Variants in UTRN observed in about 807,000 individuals in gnomAD.
UTRN encodes the protein utrophin.
A neutral mutation model predicts 463.9 loss-of-function variants in UTRN; 283 were observed. That is an observed-to-expected ratio of 0.61 (90% CI 0.55 to 0.67). The LOEUF (loss-of-function observed/expected upper bound fraction) is 0.67, where lower values mean the gene tolerates loss of function less well. Ranked by LOEUF, UTRN falls within the 30% of genes least tolerant of loss-of-function variation. The pLI is 0.00. For synonymous variants in UTRN, 1,442 were observed against 1,431.5 expected (o/e 1.01, Z -0.17); for missense variants, 3,922 against 4,084.3 (o/e 0.96, Z 1.08).
chr6:144,295,656 C>T (rs1409570070), intron 2 of UTRN, among the ~76,000 whole-genome samples: 1 of 152,198 alleles, frequency 6.6e-6, no homozygotes, highest in Non-Finnish European at 1.5e-5. Flanking sequence ...CCCAGCCATT[C>T]CTGTGATGTG....
chr6:144,374,079 A>T (rs954820299), intron 2 of UTRN, among the ~76,000 whole-genome samples: 2 of 152,090 alleles, frequency 1.3e-5, no homozygotes, highest in Non-Finnish European at 2.9e-5. Context: ...CTTTTATTTG[A>T]TTTATATAAT....
chr6:144,674,201 C>T (rs1242429656), intron 51 of UTRN, among the ~76,000 whole-genome samples: 1 of 147,842 alleles, frequency 6.8e-6, no homozygotes, highest in Non-Finnish European at 1.5e-5. Context: ...TTTAGCAAAA[C>T]CATGGAAGTT....
chr6:144,839,930 AT>A (rs1781414614), intron 72 of UTRN, among the ~76,000 whole-genome samples: 3 of 152,340 alleles, frequency 2.0e-5, no homozygotes, highest in African/African-American at 7.2e-5. Context: ...CTTTTGGTAC[AT>A]TAACCAGAAA....
chr6:144,812,800 T>G (rs1044782308), intron 65 of UTRN, among the ~76,000 whole-genome samples: 19 of 152,194 alleles, frequency 1.2e-4, no homozygotes, highest in Admixed American at 1.2e-3. Context: ...CAGGGTACAT[T>G]TTATAATTCA....
At chr6:144,755,307 C>T (rs1033719928) in intron 57 of UTRN, among the ~76,000 whole-genome samples, 2 of 152,082 alleles carry the variant, frequency 1.3e-5, no homozygotes, top group African/African-American at 4.8e-5. Context: ...GCGTATGTAG[C>T]CAAACCACCT....
At chr6:144,332,236 G>C (rs1024845433) in intron 2 of UTRN, among the ~76,000 whole-genome samples, 1 of 152,214 alleles carries the variant, frequency 6.6e-6, no homozygotes, top group African/African-American at 2.4e-5. Context: ...TTACTTTAGT[G>C]TTGATAGGTC....
At chr6:144,774,796 C>G (rs1775170927) in intron 60 of UTRN, among the ~76,000 whole-genome samples, 1 of 152,134 alleles carries the variant, frequency 6.6e-6, no homozygotes, top group Non-Finnish European at 1.5e-5. Context: ...GGCACCTTAA[C>G]AAGTGAGATA....
At chr6:144,358,327 C>CAT (rs1778752778) in intron 2 of UTRN, among the ~76,000 whole-genome samples, 1 of 152,158 alleles carries the variant, frequency 6.6e-6, no homozygotes, top group Non-Finnish European at 1.5e-5. Context: ...TATACACACA[C>CAT]ACATACATAC....
intron 62 of UTRN, among the ~76,000 whole-genome samples, chr6:144,790,524 T>C (rs775471229): frequency 3.3e-5 from 5 of 152,146 alleles, no homozygotes; most frequent in South Asian, 2.1e-4. Flanking sequence ...AGAATGTCAG[T>C]GAAAAGAAAT....
intron 2 of UTRN, among the ~76,000 whole-genome samples, chr6:144,369,298 T>G (rs1779779595): frequency 6.6e-6 from 1 of 152,226 alleles, no homozygotes. Context: ...AGTTGTATTT[T>G]AAAAGTCAAA....
intron 53 of UTRN, among the ~76,000 whole-genome samples, chr6:144,729,447 C>T (rs9497061): frequency 0.036 from 5,403 of 152,184 alleles, 317 homozygotes; most frequent in African/African-American, 0.12. Flanking sequence ...AATGAAAGTT[C>T]AGTATTTTAG....
chr6:144,497,624 T>C (rs1042240592), intron 33 of UTRN, among the ~76,000 whole-genome samples: 17 of 150,182 alleles, frequency 1.1e-4, no homozygotes, highest in African/African-American at 3.2e-4. Flanking sequence ...GAGGTTGCAG[T>C]GAGTCAAGAT....
intron 60 of UTRN, among the ~76,000 whole-genome samples, chr6:144,776,379 C>T (rs549823879): frequency 2.0e-5 from 3 of 152,186 alleles, no homozygotes; most frequent in Non-Finnish European, 4.4e-5. Flanking sequence ...GCCCCATCTC[C>T]ACTGTGAACT....
chr6:144,698,425 CT>C (rs925855443), intron 52 of UTRN, among the ~76,000 whole-genome samples: 4 of 152,222 alleles, frequency 2.6e-5, no homozygotes, highest in African/African-American at 7.2e-5. Context: ...TGTATTTAAA[CT>C]TTTTTTATTA....
Position 144,827,446 on chromosome 6 carries a change from G to T in UTRN, c.9533+60G>T, listed in dbSNP as rs1484614929. 2.5e-6 allele frequency: 4 copies of T among 1,609,286 alleles called. No individual in the cohort carries two copies. The South Asian group carries it at 3.3e-5, about 13-fold the overall frequency. On this transcript the variant is annotated intron_variant, in intron 67 of 74. Coordinates refer to ENST00000367545, the MANE Select transcript of UTRN (RefSeq NM_007124.3). The stretch of plus-strand genomic sequence containing the variant: ...TCTGATCAGTGGTACTAGCATGGGG[G>T]TCTTACTAAACTCTTGGTCTAAAAT...
At chr6:144,487,348 A>C (rs758202773) in intron 28 of UTRN, among the ~76,000 whole-genome samples, 200 bp from the exon 29 acceptor site, 3 of 152,036 alleles carry the variant, frequency 2.0e-5, no homozygotes, top group African/African-American at 4.8e-5. Context: ...CACTTGTGCT[A>C]ATTTCTCAAT....
intron 54 of UTRN, among the ~76,000 whole-genome samples, chr6:144,734,109 T>G (rs774219029): frequency 1.3e-4 from 20 of 152,070 alleles, no homozygotes; most frequent in Non-Finnish European, 2.5e-4. Flanking sequence ...TAACAATGAT[T>G]CCTCTCTCAC....
At chr6:144,532,007 C>T (rs776042995) in intron 42 of UTRN, among the ~76,000 whole-genome samples, 6 of 151,910 alleles carry the variant, frequency 3.9e-5, no homozygotes, top group South Asian at 2.1e-4. Flanking sequence ...CATGGTGGAA[C>T]GCACCTGCAG....
At chr6:144,836,004 CATTT>C (rs1781071775) in intron 70 of UTRN, 66 bp downstream of exon 70, 1 of 1,565,624 alleles carries the variant, frequency 6.4e-7, no homozygotes. Flanking sequence ...CTGTAGCCCC[CATTT>C]ATTCTCTTTT....
Sources: allele counts gnomAD v4.1 joint callset (sites outside exome capture counted in the v4.1 genomes callset), GRCh38; gene constraint gnomAD v4.1.1; transcripts MANE v1.5; gene names NCBI Gene and HGNC (gene_info 2026-07-23, HGNC 2026-07-21).